Variants in TRIM9 observed in about 807,000 individuals in gnomAD.
The protein encoded by TRIM9 is E3 ubiquitin-protein ligase TRIM9.
In TRIM9, 26 loss-of-function variants were observed where a neutral mutation model predicts 78.3. That is an observed-to-expected ratio of 0.33 (90% CI 0.24 to 0.46). The LOEUF (loss-of-function observed/expected upper bound fraction) is 0.46, where lower values mean the gene tolerates loss of function less well. Among genes scored for constraint, TRIM9 ranks in the 20% least tolerant of loss-of-function variants. TRIM9 has a pLI of 1.00. For missense variants in TRIM9, 787 were observed against 1,036.4 expected (o/e 0.76, Z 3.30); for synonymous variants, 398 against 416.5 (o/e 0.96, Z 0.54).
chr14:50,982,734 G>A (rs1463622358), intron 10 of TRIM9: 2 of 510,464 alleles, frequency 3.9e-6, no homozygotes, highest in African/African-American at 1.9e-5. Context: ...AAACTAACAC[G>A]TCAGAAATTT....
chr14:50,988,098 G>A (rs9944076), intron 7 of TRIM9, among the ~76,000 whole-genome samples: 38,583 of 152,036 alleles, frequency 0.25, 5,061 homozygotes, highest in Non-Finnish European at 0.28. Flanking sequence ...TACCACACCC[G>A]GACTAAAAGA....
At chr14:51,052,966 G>T (rs2060551694) in intron 1 of TRIM9, among the ~76,000 whole-genome samples, 1 of 152,044 alleles carries the variant, frequency 6.6e-6, no homozygotes, top group African/African-American at 2.4e-5. Flanking sequence ...AGACCAGCCT[G>T]GGCAACATGG....
intron 3 of TRIM9, among the ~76,000 whole-genome samples, chr14:51,014,334 G>T (rs1421574670): frequency 1.3e-5 from 2 of 152,170 alleles, no homozygotes; most frequent in Non-Finnish European, 2.9e-5. Flanking sequence ...TTCAGCAGGG[G>T]TTTGCAATTG....
Position 51,094,333 on chromosome 14 carries a change from G to C in TRIM9, c.607C>G (p.Pro203Ala). ...GGCACCAGGCGGTGCTTGGCTAGGGGCCCCCGGGGCGGGTGGCAGCGCAGG... is the reference window on the plus strand; with the variant it reads ...GGCACCAGGCGGTGCTTGGCTAGGGCCCCCCGGGGCGGGTGGCAGCGCAGG... ...CRLRCHPPRG[P>A]LAKHRLVPPA... Residue 203 changes from proline to alanine, a missense_variant, in exon 1 of 13, where the codon CCC becomes GCC. By Grantham distance (27) the Pro-to-Ala change is conservative. Coordinates refer to ENST00000684578, the MANE Select transcript of TRIM9 (RefSeq NM_001387360.1). 6.2e-7 allele frequency: 1 copy of C among 1,613,496 alleles called. No homozygotes were observed. Among genetic ancestry groups the C allele is most frequent in the Non-Finnish European group, 8.5e-7 (1 of 1,179,812 alleles).
At chr14:51,090,884 A>G (rs906512087) in intron 1 of TRIM9, 9 of 152,224 alleles carry the variant, frequency 5.9e-5, no homozygotes, top group African/African-American at 2.2e-4. Flanking sequence ...GGCATAATCC[A>G]GTGCACCCAG....
At chr14:51,080,159 A>G (rs938622803) in intron 1 of TRIM9, among the ~76,000 whole-genome samples, 1 of 152,008 alleles carries the variant, frequency 6.6e-6, no homozygotes, top group African/African-American at 2.4e-5. Flanking sequence ...TTTTCTAGAC[A>G]CATGTGGAAA....
chr14:51,015,509 T>TTTTTTTTTTTTTTC (rs2057086019), intron 3 of TRIM9, among the ~76,000 whole-genome samples: 1 of 48,228 alleles, frequency 2.1e-5, no homozygotes, highest in African/African-American at 7.5e-5. Context: ...ACTTTTCTTT[T>TTTTTTTTTTTTTTC]TTTTTTTTTT....
Position 50,986,010 on chromosome 14 carries a change from A to T in TRIM9, c.1738T>A (p.Ser580Thr). The change falls in exon 8 of 13, where the codon TCC becomes ACC. Residue 580 changes from serine to threonine, a missense_variant. Physicochemically the swap from Ser to Thr is moderately conservative, Grantham distance 58. This residue lies in a region of TRIM9 where 421 missense variants were observed against 514.3 expected (regional missense o/e 0.82). Transcript: ENST00000684578. ...TGCAAGCTCAGCTGGTGGGGTGAGG[A>T]TCGGAAATCAAAGTAGGATCTCCCG... ...FPGRSYFDFR[S>T]SPHQLSLHSS... 1 of 1,549,290 alleles carries T rather than the reference A, an allele frequency of 6.5e-7. No homozygotes were observed. Among genetic ancestry groups the T allele is most frequent in the Non-Finnish European group, 8.7e-7 (1 of 1,146,326 alleles).
At chr14:51,064,343 T>A (rs911281018) in intron 1 of TRIM9, among the ~76,000 whole-genome samples, 2 of 151,988 alleles carry the variant, frequency 1.3e-5, no homozygotes, top group East Asian at 1.9e-4. Context: ...GCAGGTGGAA[T>A]AAATAGAAAA....
At chr14:51,000,579 T>C (rs2139515065) in intron 6 of TRIM9, 104 bp downstream of exon 6, 1 of 1,476,180 alleles carries the variant, frequency 6.8e-7, no homozygotes. Context: ...CAGGATGGCC[T>C]GTCCCCAGGA....
chr14:50,994,059 G>A (rs2053883172), intron 7 of TRIM9, among the ~76,000 whole-genome samples: 1 of 152,198 alleles, frequency 6.6e-6, no homozygotes, highest in African/African-American at 2.4e-5. Context: ...TTGAGATGGG[G>A]GGATTATACT....
At chr14:51,092,915 A>T (rs1296503614) in intron 1 of TRIM9, among the ~76,000 whole-genome samples, 1 of 152,208 alleles carries the variant, frequency 6.6e-6, no homozygotes, top group Non-Finnish European at 1.5e-5. Flanking sequence ...CAAAGATGAT[A>T]CCTGAGCAAA....
chr14:51,030,715 G>C (rs1438726087), intron 1 of TRIM9, among the ~76,000 whole-genome samples: 2 of 152,144 alleles, frequency 1.3e-5, no homozygotes, highest in African/African-American at 4.8e-5. Flanking sequence ...GATTGTATGT[G>C]AGATATGTCA....
chr14:51,025,355 C>A lies in TRIM9; in HGVS notation c.828G>T (p.Gln276His). The change falls in exon 2 of 13, where the codon CAG becomes CAT. Residue 276 changes from glutamine (Q) to histidine (H), a missense_variant. Physicochemically the swap from Gln to His is conservative, Grantham distance 24. Transcript: ENST00000684578. ...ACAGTCCGTTCAGCGCCTGGGAGAG[C>A]TGGCTCTGCAAAGACAAAGAAGGAA... ...LGAMWKLHKS[Q>H]LSQALNGLSD... 1 of 1,614,034 alleles carries A rather than the reference C, an allele frequency of 6.2e-7. No homozygotes were observed. The highest frequency in any genetic ancestry group is 8.5e-7 in the Non-Finnish European group (1 of 1,179,990).
At chr14:51,009,337 G>A (rs922945008) in intron 4 of TRIM9, 104 bp from the exon 5 acceptor site, 6 of 1,418,396 alleles carry the variant, frequency 4.2e-6, no homozygotes, top group African/African-American at 1.4e-5. Flanking sequence ...ACTGCCTTGA[G>A]GACTCATACT....
intron 11 of TRIM9, 48 bp downstream of exon 11, chr14:50,981,752 G>T (rs924779021): frequency 6.2e-7 from 1 of 1,608,218 alleles, no homozygotes; most frequent in Admixed American, 1.7e-5. Flanking sequence ...TCTCACTCCT[G>T]ATCAGAAGCC....
chr14:51,020,847 A>C (rs1390990678), intron 3 of TRIM9, among the ~76,000 whole-genome samples: 2 of 152,238 alleles, frequency 1.3e-5, no homozygotes, highest in African/African-American at 2.4e-5. Context: ...TGTCTCTCCC[A>C]TATAGAAAGG....
At chr14:51,029,920 A>G (rs1031813254) in intron 1 of TRIM9, among the ~76,000 whole-genome samples, 2 of 152,352 alleles carry the variant, frequency 1.3e-5, no homozygotes, top group African/African-American at 4.8e-5. Flanking sequence ...TAATTGTTTA[A>G]TCCACGGTGA....
At chr14:51,046,939 G>T (rs566596368) in intron 1 of TRIM9, among the ~76,000 whole-genome samples, 35 of 152,310 alleles carry the variant, frequency 2.3e-4, no homozygotes, top group African/African-American at 8.2e-4. Flanking sequence ...TTTGAAACAG[G>T]TGGTACTAGA....
Sources: gnomAD v4.1 joint callset for allele counts (sites outside exome capture counted in the v4.1 genomes callset) on GRCh38, gnomAD v4.1.1 for gene constraint, gnomAD v4.1.1 regional missense constraint, MANE v1.5 for transcripts, NCBI Gene and HGNC (gene_info 2026-07-23, HGNC 2026-07-21) for gene names.